SRD5A3: variants seen among roughly 807,000 people sequenced by gnomAD.
SRD5A3 encodes steroid 5 alpha-reductase 3.
In SRD5A3, 24 loss-of-function variants were observed where a neutral mutation model predicts 34.3. That is an observed-to-expected ratio of 0.70 (90% confidence interval 0.51 to 0.99). SRD5A3 has a LOEUF of 0.99. SRD5A3 is among the 50% of genes least tolerant of loss of function. The pLI is 0.00. For missense variants in SRD5A3, 350 were observed against 388.2 expected, an observed-to-expected ratio of 0.90 and a Z score of 0.83; for synonymous variants, 161 against 167.3, an observed-to-expected ratio of 0.96 and a Z score of 0.29.
At chr4:55,353,530 A>G (rs4864981) in intron 1 of SRD5A3, among the ~76,000 whole-genome samples, 152,243 of 152,338 alleles carry the variant, frequency 1, 76,074 homozygotes, top group Middle Eastern at 1. Flanking sequence ...GCGCCAAGTC[A>G]CTGGGGGTCC....
At chr4:55,360,640 T>G (rs1213586393) in intron 2 of SRD5A3, among the ~76,000 whole-genome samples, 1 of 151,678 alleles carries the variant, frequency 6.6e-6, no homozygotes, top group Non-Finnish European at 1.5e-5. Flanking sequence ...GATTACAAAA[T>G]AGCCTTTAAG....
At chr4:55,365,562 C>A (rs959884110) in intron 3 of SRD5A3, 2 of 152,240 alleles carry the variant, frequency 1.3e-5, no homozygotes, top group African/African-American at 4.8e-5. Flanking sequence ...TTGCAGAGCG[C>A]TTGGTGACTG....
chr4:55,352,732 T>A (rs780178474), intron 1 of SRD5A3, among the ~76,000 whole-genome samples: 1 of 152,234 alleles, frequency 6.6e-6, no homozygotes, highest in Non-Finnish European at 1.5e-5. Context: ...TAACCAGTGT[T>A]TATAGATACC....
rs1329585329 is a variant in SRD5A3, at chr4:55,372,265, G to C, written c.*2174G>C. ...CCCAGGTTAGACTAGAGATTTGGCT[G>C]ATGTTCTGGAATCTCATTGTACTCT... On this transcript the variant is annotated 3_prime_UTR_variant, in exon 5 of 5. Transcript: ENST00000264228. The C allele has an allele frequency of 2.0e-5, 3 of 152,150 alleles. No homozygotes were observed. Among genetic ancestry groups the C allele is most frequent in the Non-Finnish European group, 4.4e-5 (3 of 68,028 alleles). The allele number at this position is 152,150 out of a possible 1,614,324, so 9.4% of individuals were successfully genotyped here.
chr4:55,353,510 C>A (rs577172755), intron 1 of SRD5A3, among the ~76,000 whole-genome samples: 1 of 152,182 alleles, frequency 6.6e-6, no homozygotes, highest in African/African-American at 2.4e-5. Context: ...GCTGGCCACC[C>A]GAGCCAGCAG....
rs760243345 is a variant in SRD5A3, at chr4:55,367,736, T to C, written c.697+14T>C. On this transcript the variant is annotated intron_variant, in intron 4 of 4. Transcript: ENST00000264228. ...AAAATAAAGCAGGTGAGACCTCTTT[T>C]AGAGCCTCTGCATATGGATTTTAAC... 6.2e-7 allele frequency: 1 copy of C among 1,613,898 alleles called. No individual in the cohort carries two copies. Among genetic ancestry groups the C allele is most frequent in the African/African-American group, 1.3e-5 (1 of 74,932 alleles).
At chr4:55,364,326 C>G in intron 3 of SRD5A3, 55 bp downstream of exon 3, 1 of 1,580,842 alleles carries the variant, frequency 6.3e-7, no homozygotes, top group Middle Eastern at 2.0e-4. Context: ...ATGATGCGCT[C>G]TCGGGGCTTG....
At chr4:55,356,000 A>ATTTTTTTTT (rs10648522) in intron 1 of SRD5A3, among the ~76,000 whole-genome samples, 2,252 of 74,276 alleles carry the variant, frequency 0.03, 372 homozygotes, top group Non-Finnish European at 0.039. Context: ...TTTTGCCTCC[A>ATTTTTTTTT]TTTTTTTTTT....
At chr4:55,356,234 C>G (rs952622050) in intron 1 of SRD5A3, among the ~76,000 whole-genome samples, 2 of 151,964 alleles carry the variant, frequency 1.3e-5, no homozygotes, top group African/African-American at 2.4e-5. Flanking sequence ...GTTTCGAACT[C>G]CCGACCTCAG....
intron 3 of SRD5A3, chr4:55,367,096 T>G (rs1402076403): frequency 5.3e-6 from 1 of 189,476 alleles, no homozygotes; most frequent in Non-Finnish European, 1.1e-5. Flanking sequence ...GTCAGCATTC[T>G]GCTTTCAGGC....
At chr4:55,363,936 A>AT (rs1719779689) in intron 2 of SRD5A3, 138 bp from the exon 3 acceptor site, 1 of 869,250 alleles carries the variant, frequency 1.2e-6, no homozygotes, top group Non-Finnish European at 1.9e-6. Context: ...CCTTGACTTC[A>AT]TTTGGCCCAT....
chr4:55,349,551 A>C (rs62305111), intron 1 of SRD5A3, among the ~76,000 whole-genome samples: 1 of 150,670 alleles, frequency 6.6e-6, no homozygotes, highest in Non-Finnish European at 1.5e-5. Context: ...TTTTTTTTAA[A>C]TAAGGTGATG....
At chr4:55,360,782 A>G in intron 2 of SRD5A3, among the ~76,000 whole-genome samples, 1 of 147,218 alleles carries the variant, frequency 6.8e-6, no homozygotes, top group African/African-American at 2.5e-5. Flanking sequence ...TCTGCCTCCC[A>G]GGTTCAAGCG....
chr4:55,361,478 G>A (rs1355166584), intron 2 of SRD5A3, among the ~76,000 whole-genome samples: 8 of 89,774 alleles, frequency 8.9e-5, no homozygotes, highest in African/African-American at 3.3e-4. Context: ...GCAAGACTCC[G>A]TCTCAAAAAA....
intron 4 of SRD5A3, among the ~76,000 whole-genome samples, chr4:55,367,940 A>T (rs1330565154): frequency 3.9e-5 from 6 of 152,170 alleles, no homozygotes; most frequent in African/African-American, 1.4e-4. Context: ...ACATTCTGTG[A>T]TTCTACGTTT....
chr4:55,367,984 C>T (rs1719967478), intron 4 of SRD5A3, among the ~76,000 whole-genome samples: 1 of 152,158 alleles, frequency 6.6e-6, no homozygotes, highest in Non-Finnish European at 1.5e-5. Context: ...CTAGTGTTAC[C>T]ATGGAGTTAG....
Position 55,367,354 on chromosome 4 carries a change from C to T in SRD5A3, c.563-234C>T, listed in dbSNP as rs180792049. ...ACTGAAGCTGCCCATAGCTGAGGAA[C>T]GTATCTCCTTTGTCCAGAGAGACAG... On this transcript the variant is annotated intron_variant, in intron 3 of 4. Transcript: ENST00000264228. 4.4e-4 allele frequency among the ~76,000 whole-genome samples: 67 copies of T among 152,268 alleles called. 1 individual carries two copies. Among genetic ancestry groups the T allele is most frequent in the Admixed American group, 3.4e-3 (52 of 15,298 alleles).
chr4:55,350,139 G>C (rs972518887), intron 1 of SRD5A3, among the ~76,000 whole-genome samples: 4 of 152,140 alleles, frequency 2.6e-5, no homozygotes, highest in Non-Finnish European at 5.9e-5. Flanking sequence ...GGAGGCTGAG[G>C]CGGGTGGATC....
intron 2 of SRD5A3, among the ~76,000 whole-genome samples, chr4:55,362,763 T>C (rs949818312): frequency 1.3e-5 from 2 of 151,604 alleles, no homozygotes; most frequent in Non-Finnish European, 2.9e-5. Context: ...ATGGGTGGGA[T>C]TGGTTGGCTT....
Sources: allele counts gnomAD v4.1 joint callset (sites outside exome capture counted in the v4.1 genomes callset), GRCh38; gene constraint gnomAD v4.1.1; transcripts MANE v1.5; gene names NCBI Gene and HGNC (gene_info 2026-07-23, HGNC 2026-07-21).